The following SEPTIN7 variants were observed in gnomAD, a reference collection of about 807,000 sequenced individuals.
The protein encoded by SEPTIN7 is septin-7.
Under a neutral mutation model 63.3 loss-of-function variants are expected in SEPTIN7, and 10 were observed. The ratio of observed to expected loss-of-function variants is 0.16; its 90% CI spans 0.10 to 0.27. The LOEUF (loss-of-function observed/expected upper bound fraction) is 0.27, where lower values mean the gene tolerates loss of function less well. Among genes scored for constraint, SEPTIN7 ranks in the 10% least tolerant of loss-of-function variants. The pLI, the probability that SEPTIN7 is intolerant of heterozygous loss-of-function variation, is 1.00. For missense variants in SEPTIN7, 310 were observed against 521.0 expected (o/e 0.59, Z 3.94); for synonymous variants, 131 against 165.3 (o/e 0.79, Z 1.59).
In SEPTIN7 at chr7:35,801,060, C is replaced by G; in HGVS notation, c.-150C>G. ...GGGGGACGGAGGAGGGAGCGGGAGT[C>G]GAGCGAGAGCCTGTGGAGGAGTCCG... is the stretch of plus-strand genomic sequence containing the variant. On this transcript the variant is annotated 5_prime_UTR_variant, in exon 1 of 14. Coordinates refer to ENST00000350320, the MANE Select transcript of SEPTIN7 (RefSeq NM_001788.6). The G allele has an allele frequency of 1.9e-6, 1 of 516,286 alleles. No homozygotes were observed. The highest frequency in any genetic ancestry group is 5.3e-4 in the Middle Eastern group (1 of 1,900). The allele number at this position is 516,286 out of a possible 1,614,324, so 32.0% of individuals were successfully genotyped here.
rs780964731 is a variant in SEPTIN7, at chr7:35,885,808, G to A, written c.821-20G>A. 2.2e-5 allele frequency: 35 copies of A among 1,581,938 alleles called. No homozygotes were observed. The highest frequency in any genetic ancestry group is 2.9e-5 in the Non-Finnish European group (33 of 1,154,588). On this transcript the variant is annotated intron_variant, in intron 9 of 13. Coordinates refer to ENST00000350320, the MANE Select transcript of SEPTIN7 (RefSeq NM_001788.6). ...GGTTTAGTGGAAATATAACATATGC[G>A]GTCTGCTTTTTTCTTACAGTTGAAA...
downstream of SEPTIN7, among the ~76,000 whole-genome samples, chr7:35,911,735 A>G (rs3892551): frequency 2.6e-3 from 392 of 152,346 alleles, 2 homozygotes; most frequent in African/African-American, 9.0e-3. Flanking sequence ...GCTAAACATT[A>G]AGGATTTGTG....
At chr7:35,886,410 C>T (rs1787248993) in intron 10 of SEPTIN7, among the ~76,000 whole-genome samples, 1 of 116,676 alleles carries the variant, frequency 8.6e-6, no homozygotes, top group Admixed American at 9.8e-5. Flanking sequence ...ACATCGAGGC[C>T]ATCCTGATTA....
chr7:35,907,551 T>C (rs779957722), downstream of SEPTIN7, among the ~76,000 whole-genome samples: 13 of 152,114 alleles, frequency 8.5e-5, no homozygotes, highest in Non-Finnish European at 1.6e-4. Context: ...GTTTAGTAGC[T>C]TATTCAATAG....
Position 35,849,268 on chromosome 7 carries a change from GA to G in SEPTIN7, c.170-14283del, listed in dbSNP as rs374203953. On this transcript the variant is annotated intron_variant, in intron 3 of 13. Coordinates refer to ENST00000350320, the MANE Select transcript of SEPTIN7 (RefSeq NM_001788.6). ...GGCTCCCAGTTTTTTTGGCACCAGGGACTGGTTTCGTGGAAGACAATTTTTC... is the reference window on the plus strand; with the variant it reads ...GGCTCCCAGTTTTTTTGGCACCAGGGCTGGTTTCGTGGAAGACAATTTTTC... Among the ~76,000 whole-genome samples the G allele has an allele frequency of 6.5e-4, 99 of 152,232 alleles. 1 individual carries two copies. The South Asian group carries it at 0.02, about 31-fold the overall frequency.
chr7:35,869,335 C>T (rs1341430408), intron 4 of SEPTIN7, among the ~76,000 whole-genome samples: 1 of 152,120 alleles, frequency 6.6e-6, no homozygotes, highest in African/African-American at 2.4e-5. Flanking sequence ...TTGGTCACTT[C>T]CTCTTTCATT....
At chr7:35,805,763 T>C (rs1209291823) in intron 1 of SEPTIN7, among the ~76,000 whole-genome samples, 4 of 152,166 alleles carry the variant, frequency 2.6e-5, no homozygotes, top group African/African-American at 9.6e-5. Context: ...TTATTCAATG[T>C]TTGTTTGCTT....
At chr7:35,912,368 G>A in the SEPTIN7 span, among the ~76,000 whole-genome samples, 2 of 152,174 alleles carry the variant, frequency 1.3e-5, no homozygotes, top group Non-Finnish European at 1.5e-5. Flanking sequence ...CAGATAACTA[G>A]CCAGACCCAC....
chr7:35,802,301 T>C, intron 1 of SEPTIN7: 1 of 348,222 alleles, frequency 2.9e-6, no homozygotes, highest in South Asian at 2.4e-5. Context: ...GAGATTTTTC[T>C]AGGACATTTC....
At chr7:35,825,149 T>C (rs1244645721) in intron 1 of SEPTIN7, among the ~76,000 whole-genome samples, 32 of 152,196 alleles carry the variant, frequency 2.1e-4, no homozygotes, top group Admixed American at 2.1e-3. Flanking sequence ...TTCTTGTCAG[T>C]AGTAATTTTC....
At chr7:35,801,331 T>C in intron 1 of SEPTIN7, 61 bp downstream of exon 1, 3 of 1,508,536 alleles carry the variant, frequency 2.0e-6, no homozygotes, top group Non-Finnish European at 2.7e-6. Flanking sequence ...CGGGAAGCTC[T>C]GCGGCCGCTG....
intron 3 of SEPTIN7, among the ~76,000 whole-genome samples, chr7:35,838,347 TCCCTCCCTCCCTCCCTCCTCCCTCCCTC>T (rs1784229473): frequency 5.2e-4 from 4 of 7,682 alleles, no homozygotes; most frequent in African/African-American, 3.2e-3. Flanking sequence ...CCTCCCTCCC[TCCCTCCCTCCCTCCCTCCTCCCTCCCTC>T]CCTCCCTCCC....
At chr7:35,880,223 C>CTTTTCTTTTTTTTT (rs1786768910) in intron 7 of SEPTIN7, among the ~76,000 whole-genome samples, 1 of 72,776 alleles carries the variant, frequency 1.4e-5, no homozygotes, top group Non-Finnish European at 2.6e-5. Context: ...TTTTTCTTTT[C>CTTTTCTTTTTTTTT]TTTTTTTTTT....
At chr7:35,827,127 T>C (rs1783555731) in intron 1 of SEPTIN7, among the ~76,000 whole-genome samples, 1 of 152,208 alleles carries the variant, frequency 6.6e-6, no homozygotes, top group South Asian at 2.1e-4. Flanking sequence ...TCTAAAAGAT[T>C]TTGTAAAGCA....
intron 4 of SEPTIN7, among the ~76,000 whole-genome samples, chr7:35,867,854 T>A (rs1384884955): frequency 6.6e-6 from 1 of 152,050 alleles, no homozygotes; most frequent in Non-Finnish European, 1.5e-5. Context: ...TTGAAACATT[T>A]TATTGGTCCA....
chr7:35,824,281 G>A lies in SEPTIN7; in HGVS notation c.62-7211G>A, dbSNP rs1783393219. Among the ~76,000 whole-genome samples the A allele has an allele frequency of 4.6e-5, 7 of 151,966 alleles. 2 individuals carry two copies. The highest frequency in any genetic ancestry group is 3.9e-4 in the Admixed American group (6 of 15,246). ...TTGGTATAGTTAACCACTTCTTGAG[G>A]GGGCTGCTACAGTTGACCTCCTTTG... is the stretch of plus-strand genomic sequence containing the variant. On this transcript the variant is annotated intron_variant, in intron 1 of 13. Transcript: ENST00000350320.
At chr7:35,870,530 A>G (rs1461996061) in intron 4 of SEPTIN7, among the ~76,000 whole-genome samples, 1 of 152,190 alleles carries the variant, frequency 6.6e-6, no homozygotes, top group Non-Finnish European at 1.5e-5. Context: ...ATTACTTTGG[A>G]TATTTCTGCT....
chr7:35,802,833 C>T (rs1465497025), intron 1 of SEPTIN7, among the ~76,000 whole-genome samples: 4 of 151,862 alleles, frequency 2.6e-5, no homozygotes, highest in South Asian at 4.2e-4. Flanking sequence ...ACGGTCGTGG[C>T]GGGAGAGCAG....
intron 3 of SEPTIN7, among the ~76,000 whole-genome samples, chr7:35,857,271 G>A (rs1785260109): frequency 6.6e-6 from 1 of 152,150 alleles, no homozygotes; most frequent in African/African-American, 2.4e-5. Context: ...CAGGAGCAAT[G>A]TTGAATTGGA....
Sources: gnomAD v4.1 joint callset for allele counts (sites outside exome capture counted in the v4.1 genomes callset) on GRCh38, gnomAD v4.1.1 for gene constraint, MANE v1.5 for transcripts, NCBI Gene and HGNC (gene_info 2026-07-23, HGNC 2026-07-21) for gene names.